CPEB2: variants seen among roughly 807,000 people sequenced by gnomAD.
CPEB2 encodes the protein cytoplasmic polyadenylation element binding protein 2, also known as cytoplasmic polyadenylation element-binding protein 2.
CPEB2 carries 56 observed loss-of-function variants against 93.6 expected under a neutral mutation model. That is an observed-to-expected ratio of 0.60 (90% CI 0.48 to 0.75). CPEB2 has a LOEUF of 0.75. CPEB2 is among the 30% of genes least tolerant of loss of function. The probability of loss-of-function intolerance (pLI) is 0.00; values close to 1 mark genes in which losing one functional copy is unlikely to be tolerated. For synonymous variants in CPEB2, 764 were observed against 586.3 expected, an observed-to-expected ratio of 1.30 and a Z score of -4.38; for missense variants, 1,579 against 1,395.1, an observed-to-expected ratio of 1.13 and a Z score of -2.10.
intron 8 of CPEB2, among the ~76,000 whole-genome samples, chr4:15,057,769 A>C (rs1728847418): frequency 6.6e-6 from 1 of 152,130 alleles, no homozygotes; most frequent in Admixed American, 6.6e-5. Flanking sequence ...AAAAGTTTTG[A>C]TCCATCTGAC....
chr4:15,055,490 C>G (rs1728628494), intron 8 of CPEB2, among the ~76,000 whole-genome samples: 1 of 152,130 alleles, frequency 6.6e-6, no homozygotes, highest in African/African-American at 2.4e-5. Context: ...ATTGAATACT[C>G]AAGAGTATTG....
chr4:15,027,419 C>T (rs1435986837), intron 4 of CPEB2, among the ~76,000 whole-genome samples: 1 of 152,096 alleles, frequency 6.6e-6, no homozygotes, highest in Non-Finnish European at 1.5e-5. Context: ...GTCTTTTCTG[C>T]GTTTGTATGA....
intron 6 of CPEB2, among the ~76,000 whole-genome samples, chr4:15,049,283 T>C (rs1001251170): frequency 2.0e-5 from 3 of 152,022 alleles, no homozygotes; most frequent in Admixed American, 2.0e-4. Flanking sequence ...CCCTAAGTAT[T>C]TGTGATCCAT....
Position 15,003,684 on chromosome 4 carries a change from C to T in CPEB2, c.1011C>T (p.Gly337=), listed in dbSNP as rs1269943970. 7 of 1,460,972 alleles carry T rather than the reference C, an allele frequency of 4.8e-6. No individual in the cohort carries two copies. Among genetic ancestry groups the T allele is most frequent in the Non-Finnish European group, 5.4e-6 (6 of 1,108,758 alleles). 90.5% of individuals were successfully genotyped at this position (1,460,972 alleles called of 1,614,324 possible). A position where few individuals can be genotyped will look rare whatever the true frequency, so the allele number is the denominator to read the frequency against. Residue 337 remains glycine (G), a synonymous_variant, in exon 1 of 12, where the codon GGC becomes GGT. Coordinates refer to ENST00000538197, the MANE Select transcript of CPEB2 (RefSeq NM_001177382.2). Reference sequence around the variant, plus strand: ...TGCCCGGAGGTGCGCTTGGCGCGGGCGCCTTCAGCAGCCTGCAGAGCCCGG... The same window carrying T: ...TGCCCGGAGGTGCGCTTGGCGCGGGTGCCTTCAGCAGCCTGCAGAGCCCGG... ...NLLPGGALGA[G]AFSSLQSPDL... is the part of the protein sequence containing the mutation.
At position 15,003,765 on chromosome 4, in the gene CPEB2, C is replaced by G; in HGVS notation, c.1092C>G (p.Gly364=). 1.1e-6 allele frequency: 1 copy of G among 928,670 alleles called. No individual in the cohort carries two copies. Among genetic ancestry groups the G allele is most frequent in the South Asian group, 4.5e-5 (1 of 22,462 alleles). 57.5% of individuals were successfully genotyped at this position (928,670 alleles called of 1,614,324 possible). Residue 364 remains glycine (G), a synonymous_variant, in exon 1 of 12, where the codon GGC becomes GGG. Coordinates refer to ENST00000538197, the MANE Select transcript of CPEB2 (RefSeq NM_001177382.2). ...GCGGGGGCGGGGGGCCCCCAGGAGGCGGAGGGGGAGGCGGCTCCGCGTCGC... is the reference window on the plus strand; with the variant it reads ...GCGGGGGCGGGGGGCCCCCAGGAGGGGGAGGGGGAGGCGGCTCCGCGTCGC... ...GGGGGGGPPG[G]GGGGGSASPP... is the part of the protein sequence containing the mutation.
intron 5 of CPEB2, among the ~76,000 whole-genome samples, chr4:15,035,524 A>G (rs1189983125): frequency 6.6e-6 from 1 of 152,190 alleles, no homozygotes; most frequent in Non-Finnish European, 1.5e-5. Context: ...TGAAAGAGTA[A>G]AAATCATGTC....
At chr4:15,065,558 A>G (rs903994098) in intron 11 of CPEB2, among the ~76,000 whole-genome samples, 2 of 152,120 alleles carry the variant, frequency 1.3e-5, no homozygotes, top group Non-Finnish European at 2.9e-5. Context: ...ACAGATGTGG[A>G]AACTGAGGTG....
chr4:15,050,975 A>G (rs1270082890), intron 6 of CPEB2, among the ~76,000 whole-genome samples: 1 of 152,232 alleles, frequency 6.6e-6, no homozygotes, highest in African/African-American at 2.4e-5. Context: ...AACAGCATAT[A>G]AAACTTTACA....
intron 6 of CPEB2, among the ~76,000 whole-genome samples, chr4:15,048,162 G>A (rs1009967732): frequency 6.6e-6 from 1 of 151,710 alleles, no homozygotes; most frequent in Non-Finnish European, 1.5e-5. Flanking sequence ...TTTTGCATTT[G>A]TGTTCATGAG....
At chr4:15,010,214 T>C (rs564845820) in intron 3 of CPEB2, among the ~76,000 whole-genome samples, 81 of 152,314 alleles carry the variant, frequency 5.3e-4, no homozygotes, top group Non-Finnish European at 9.3e-4. Context: ...TTCATCTCTT[T>C]GGGTCACAGT....
chr4:15,005,216 T>C (rs1184086123), intron 1 of CPEB2: 1 of 152,232 alleles, frequency 6.6e-6, no homozygotes, highest in Non-Finnish European at 1.5e-5. Flanking sequence ...CCCACGAATG[T>C]CTTAGTTTCT....
rs1241395917 is a variant in CPEB2, at chr4:15,059,232, G to C, written c.2626G>C (p.Asp876His). The C allele has an allele frequency of 6.2e-7, 1 of 1,612,310 alleles. No homozygotes were observed. The highest frequency in any genetic ancestry group is 8.5e-7 in the Non-Finnish European group (1 of 1,178,888). ...TTTAAGTGATAGTGATTTTGTAATG[G>C]ATGGTTCTCAGCCTTTGGATCCCCG... ...WNLSDSDFVM[D>H]GSQPLDPRKT... is the part of the protein sequence containing the mutation. The change falls in exon 10 of 12, where the codon GAT becomes CAT. Residue 876 changes from aspartate to histidine, a missense_variant. Physicochemically the swap from Asp to His is moderately conservative, Grantham distance 81 (BLOSUM62 -1). Around this residue, in one of 2 missense-constraint regions of CPEB2, gnomAD observed 168 missense variants for 339.1 expected, o/e 0.50. Transcript: ENST00000538197.
At chr4:15,047,208 C>G (rs962985090) in intron 6 of CPEB2, among the ~76,000 whole-genome samples, 2 of 152,048 alleles carry the variant, frequency 1.3e-5, no homozygotes, top group Admixed American at 1.3e-4. Context: ...TGTAAATCCT[C>G]CAACTTTGGC....
At chr4:15,007,653 G>C (rs1723003928) in intron 2 of CPEB2, 67 bp downstream of exon 2, 1 of 1,015,600 alleles carries the variant, frequency 9.8e-7, no homozygotes, top group African/African-American at 1.6e-5. Context: ...TTGGGTGGTG[G>C]TGGTAGTGGT....
At chr4:15,054,419 A>G (rs1305729938) in intron 8 of CPEB2, among the ~76,000 whole-genome samples, 4 of 152,238 alleles carry the variant, frequency 2.6e-5, no homozygotes, top group Admixed American at 6.5e-5. Flanking sequence ...ATATGAAACA[A>G]TATCTCTCTG....
intron 11 of CPEB2, among the ~76,000 whole-genome samples, chr4:15,065,672 A>G (rs1359717671): frequency 3.9e-5 from 6 of 152,068 alleles, no homozygotes; most frequent in African/African-American, 1.4e-4. Context: ...ACAGAAGTCT[A>G]GGCATGCCCT....
At chr4:15,043,446 CG>C (rs1331668741) in intron 6 of CPEB2, among the ~76,000 whole-genome samples, 1 of 152,038 alleles carries the variant, frequency 6.6e-6, no homozygotes, top group Non-Finnish European at 1.5e-5. Context: ...GGAAGGAAAA[CG>C]GTTCATATGG....
intron 6 of CPEB2, among the ~76,000 whole-genome samples, chr4:15,049,556 A>G (rs570077505): frequency 6.6e-6 from 1 of 152,286 alleles, no homozygotes; most frequent in Non-Finnish European, 1.5e-5. Flanking sequence ...GTTATTCACA[A>G]TTAATATTAT....
At chr4:15,052,971 A>G (rs1728369422) in intron 7 of CPEB2, among the ~76,000 whole-genome samples, 2 of 151,774 alleles carry the variant, frequency 1.3e-5, no homozygotes, top group African/African-American at 2.4e-5. Flanking sequence ...ATAAGATAAT[A>G]TCTGCAATGC....
Sources: gnomAD v4.1 joint callset for allele counts (sites outside exome capture counted in the v4.1 genomes callset) on GRCh38, gnomAD v4.1.1 for gene constraint, gnomAD v4.1.1 regional missense constraint, MANE v1.5 for transcripts, NCBI Gene and HGNC (gene_info 2026-07-23, HGNC 2026-07-21) for gene names.